Variants in FSHR observed in about 807,000 individuals in gnomAD.
FSHR encodes follicle stimulating hormone receptor.
FSHR carries 46 observed loss-of-function variants against 52.1 expected under a neutral mutation model. The ratio of observed to expected loss-of-function variants is 0.88; its 90% confidence interval spans 0.70 to 1.13. The LOEUF (loss-of-function observed/expected upper bound fraction) is 1.13. Ranked by LOEUF, FSHR falls within the 50% of genes most tolerant of loss-of-function variation. The probability of loss-of-function intolerance (pLI) is 0.00; values close to 1 mark genes in which losing one functional copy is unlikely to be tolerated. For missense variants in FSHR, 964 were observed against 834.6 expected (o/e 1.16, Z -1.91); for synonymous variants, 399 against 309.6 (o/e 1.29, Z -3.03).
intron 1 of FSHR, among the ~76,000 whole-genome samples, chr2:49,094,542 T>G (rs1206893049): frequency 1.3e-5 from 2 of 152,180 alleles, no homozygotes; most frequent in Non-Finnish European, 2.9e-5. Context: ...TTTACCTCTA[T>G]TTTTGAAGTC....
intron 1 of FSHR, among the ~76,000 whole-genome samples, chr2:49,103,147 T>C (rs1271581480): frequency 6.6e-6 from 1 of 152,156 alleles, no homozygotes; most frequent in Non-Finnish European, 1.5e-5. Context: ...AAAACAATTT[T>C]TGCCTCCTTG....
intron 1 of FSHR, among the ~76,000 whole-genome samples, chr2:49,118,395 G>A (rs938674029): frequency 5.3e-5 from 8 of 152,066 alleles, no homozygotes; most frequent in Admixed American, 3.3e-4. Flanking sequence ...AAGGGGTGCC[G>A]GCACTAGTTG....
chr2:48,982,837 C>A, intron 8 of FSHR, 75 bp downstream of exon 8: 1 of 1,272,504 alleles, frequency 7.9e-7, no homozygotes, highest in South Asian at 1.2e-5. Flanking sequence ...GAAGCTTCTC[C>A]CCTAGCTGCA....
chr2:49,154,207 A>G, intron 1 of FSHR, 59 bp downstream of exon 1: 7 of 1,533,662 alleles, frequency 4.6e-6, no homozygotes, highest in Non-Finnish European at 6.3e-6. Flanking sequence ...AAAAATAATA[A>G]TAGTACGCAA....
chr2:49,064,985 T>C (rs1016248532), intron 2 of FSHR, among the ~76,000 whole-genome samples: 3 of 152,112 alleles, frequency 2.0e-5, no homozygotes, highest in African/African-American at 7.2e-5. Context: ...GTATATTTTG[T>C]TCATTTGTTT....
chr2:48,963,324 T>C lies in FSHR; in HGVS notation c.1497A>G (p.Ala499=), dbSNP rs1674317765. The C allele has an allele frequency of 6.2e-7, 1 of 1,614,018 alleles. No homozygotes were observed. The highest frequency in any genetic ancestry group is 2.2e-5 in the East Asian group (1 of 44,840). ...VMVMGWIFAF[A]AALFPIFGIS... ...TGCCAAAGATGGGAAAGAGGGCAGC[T>C]GCAAAAGCAAAAATCCAGCCCATCA... is the stretch of plus-strand genomic sequence containing the variant. The change falls in exon 10 of 10, where the codon GCA becomes GCG. Residue 499 remains alanine, a synonymous_variant. Coordinates refer to ENST00000406846, the MANE Select transcript of FSHR (RefSeq NM_000145.4).
chr2:48,988,748 A>C (rs1675630876), intron 6 of FSHR, among the ~76,000 whole-genome samples: 1 of 152,212 alleles, frequency 6.6e-6, no homozygotes, highest in Non-Finnish European at 1.5e-5. Context: ...CATCATTCAA[A>C]CAGCAATTTT....
chr2:49,024,108 G>C (rs1260631383), intron 2 of FSHR, among the ~76,000 whole-genome samples: 2 of 152,094 alleles, frequency 1.3e-5, no homozygotes, highest in African/African-American at 2.4e-5. Context: ...ATTCCGAGTA[G>C]AGTTGTTACT....
chr2:49,038,662 T>TA (rs1668380576), intron 2 of FSHR, among the ~76,000 whole-genome samples: 1 of 145,840 alleles, frequency 6.9e-6, no homozygotes, highest in Non-Finnish European at 1.5e-5. Context: ...ATAATAATAA[T>TA]AATAATAATA....
chr2:49,005,275 G>T (rs17326845), intron 4 of FSHR, among the ~76,000 whole-genome samples: 2,623 of 152,138 alleles, frequency 0.017, 32 homozygotes, highest in Non-Finnish European at 0.026. Flanking sequence ...GGAGATGACC[G>T]GCTTGGGCTG....
chr2:49,000,433 T>C (rs1666826881), intron 4 of FSHR, among the ~76,000 whole-genome samples: 1 of 152,156 alleles, frequency 6.6e-6, no homozygotes, highest in African/African-American at 2.4e-5. Context: ...TCACTATTGA[T>C]GTTTGTGCTT....
At chr2:49,079,393 G>T (rs1441717205) in intron 1 of FSHR, among the ~76,000 whole-genome samples, 1 of 152,040 alleles carries the variant, frequency 6.6e-6, no homozygotes. Context: ...AAATTAACTG[G>T]CTGATTAATA....
In FSHR at chr2:49,144,246, A is replaced by G. The variant is rs190268159; in HGVS notation, c.152+10020T>C. ...GATTCTGATGCAGCAATTCCCCAAC[A>G]AACAGCCTAGCTGTTTCTTTGGCTG... On this transcript the variant is annotated intron_variant, in intron 1 of 9. Coordinates refer to ENST00000406846, the MANE Select transcript of FSHR (RefSeq NM_000145.4). Among the ~76,000 whole-genome samples the G allele has an allele frequency of 6.6e-5, 10 of 152,278 alleles. No homozygotes were observed. In the East Asian group the frequency reaches 1.2e-3, roughly 18 times the overall value.
intron 1 of FSHR, among the ~76,000 whole-genome samples, chr2:49,139,676 C>A (rs758713864): frequency 6.6e-6 from 1 of 150,694 alleles, no homozygotes; most frequent in Non-Finnish European, 1.5e-5. Context: ...CGGCTCACTG[C>A]AAGCTCCGTC....
intron 1 of FSHR, among the ~76,000 whole-genome samples, chr2:49,108,697 C>T (rs1671322546): frequency 6.6e-6 from 1 of 152,070 alleles, no homozygotes; most frequent in African/African-American, 2.4e-5. Context: ...AAGAGACTTG[C>T]ATTAGTGCAG....
In FSHR at chr2:49,036,889, A is replaced by T. The variant is rs1668290703; in HGVS notation, c.225-16729T>A. Among the ~76,000 whole-genome samples the T allele has an allele frequency of 2.0e-5, 3 of 152,160 alleles. No individual in the cohort carries two copies. In the South Asian group the frequency reaches 6.2e-4, roughly 31 times the overall value. ...AATAAAATATGTCAAACATTTAAAAATTTTTAGAAAATTTAGAAATTATAA... is the reference window on the plus strand; with the variant it reads ...AATAAAATATGTCAAACATTTAAAATTTTTTAGAAAATTTAGAAATTATAA... On this transcript the variant is annotated intron_variant, in intron 2 of 9. Coordinates refer to ENST00000406846, the MANE Select transcript of FSHR (RefSeq NM_000145.4).
intron 1 of FSHR, among the ~76,000 whole-genome samples, chr2:49,081,571 A>G (rs768277996): frequency 1.6e-4 from 24 of 152,252 alleles, no homozygotes; most frequent in Non-Finnish European, 2.8e-4. Flanking sequence ...GTATCATCAC[A>G]CCATTCTTGT....
chr2:49,006,793 C>T (rs779355593), intron 4 of FSHR, among the ~76,000 whole-genome samples: 11 of 152,112 alleles, frequency 7.2e-5, no homozygotes, highest in Admixed American at 3.3e-4. Context: ...AGCTGTCCAT[C>T]GATATCTCCT....
chr2:49,136,812 A>T (rs541564933), intron 1 of FSHR, among the ~76,000 whole-genome samples: 6 of 152,146 alleles, frequency 3.9e-5, no homozygotes, highest in Non-Finnish European at 7.4e-5. Context: ...GACAAAACCT[A>T]ACACCTTTTC....
Sources: allele counts gnomAD v4.1 joint callset (sites outside exome capture counted in the v4.1 genomes callset), GRCh38; gene constraint gnomAD v4.1.1; transcripts MANE v1.5; gene names NCBI Gene and HGNC (gene_info 2026-07-23, HGNC 2026-07-21).